MMD2: variants seen among roughly 807,000 people sequenced by gnomAD.
The protein encoded by MMD2 is monocyte to macrophage differentiation associated 2.
In MMD2, 30 loss-of-function variants were observed where a neutral mutation model predicts 33.5. That is an observed-to-expected ratio of 0.90 (90% CI 0.67 to 1.22). The LOEUF is 1.22. Among genes scored for constraint, MMD2 ranks in the 50% most tolerant of loss-of-function variants. MMD2 has a pLI of 0.00. For missense variants in MMD2, 364 were observed against 325.4 expected (o/e 1.12, Z -0.91); for synonymous variants, 129 against 123.0 (o/e 1.05, Z -0.32).
rs544939900 is a variant in MMD2, at chr7:4,956,236, A to C, written c.47+2735T>G. On this transcript the variant is annotated intron_variant, in intron 1 of 6. Transcript: ENST00000401401. ...CTAGGTGCTCAAGACCAGCCTGGGCAACATAGTGAGACCCCATCTTTACAG... is the reference window on the plus strand; with the variant it reads ...CTAGGTGCTCAAGACCAGCCTGGGCCACATAGTGAGACCCCATCTTTACAG... Among the ~76,000 whole-genome samples, 9 of 151,980 alleles carry C rather than the reference A, an allele frequency of 5.9e-5. No individual in the cohort carries two copies. The South Asian group carries it at 1.7e-3, about 28-fold the overall frequency.
the MMD2 span, among the ~76,000 whole-genome samples, chr7:4,898,938 GAAGC>G: frequency 2.4e-4 from 37 of 151,624 alleles, no homozygotes; most frequent in African/African-American, 4.1e-4. Context: ...AGGAAGGAAG[GAAGC>G]AAGCAAGCAA....
intron 5 of MMD2, 75 bp downstream of exon 5, chr7:4,911,070 G>A (rs1784993856): frequency 8.1e-7 from 1 of 1,238,736 alleles, no homozygotes; most frequent in Non-Finnish European, 1.2e-6. Context: ...TGGACTCTCG[G>A]CAGCCCAGGA....
chr7:4,899,180 T>C, the MMD2 span, among the ~76,000 whole-genome samples: 1 of 152,102 alleles, frequency 6.6e-6, no homozygotes, highest in Non-Finnish European at 1.5e-5. Flanking sequence ...GACACTGAAC[T>C]TGCCAGTTCC....
chr7:4,947,628 G>C (rs560141091), intron 1 of MMD2, among the ~76,000 whole-genome samples: 11 of 150,130 alleles, frequency 7.3e-5, no homozygotes. Context: ...CTCCTGACCT[G>C]GTGATCTGCC....
the MMD2 span, among the ~76,000 whole-genome samples, chr7:4,895,385 C>A: frequency 7.9e-5 from 12 of 152,094 alleles, no homozygotes; most frequent in Non-Finnish European, 1.8e-4. Context: ...CAGCTGAAGT[C>A]TTTTTATGGA....
chr7:4,944,670 T>A (rs1472861185), intron 1 of MMD2, among the ~76,000 whole-genome samples: 1 of 151,998 alleles, frequency 6.6e-6, no homozygotes, highest in Non-Finnish European at 1.5e-5. Context: ...TCTCTCTGGG[T>A]CCTGCTGAAC....
At chr7:4,929,158 C>T (rs1305928749) in intron 1 of MMD2, among the ~76,000 whole-genome samples, 1 of 152,130 alleles carries the variant, frequency 6.6e-6, no homozygotes, top group Non-Finnish European at 1.5e-5. Context: ...GGTGACTGCT[C>T]TCTGCCTGCA....
the MMD2 span, among the ~76,000 whole-genome samples, chr7:4,897,766 C>G: frequency 6.9e-6 from 1 of 144,536 alleles, no homozygotes; most frequent in Non-Finnish European, 1.5e-5. Context: ...TTGAGACAGT[C>G]TCACTCTATC....
chr7:4,926,540 T>A (rs1785432869), intron 1 of MMD2, among the ~76,000 whole-genome samples: 2 of 151,806 alleles, frequency 1.3e-5, no homozygotes, highest in African/African-American at 4.8e-5. Context: ...CCCAAGAAAG[T>A]GCCCAGTGCC....
intron 2 of MMD2, among the ~76,000 whole-genome samples, chr7:4,921,978 G>A (rs551538954): frequency 7.3e-5 from 11 of 150,978 alleles, no homozygotes; most frequent in Non-Finnish European, 1.2e-4. Flanking sequence ...TAATCCCAGC[G>A]CTTTGGGAGG....
At chr7:4,926,489 C>G (rs1251542593) in intron 1 of MMD2, among the ~76,000 whole-genome samples, 1 of 152,112 alleles carries the variant, frequency 6.6e-6, no homozygotes, top group Non-Finnish European at 1.5e-5. Flanking sequence ...CGTAGACCCA[C>G]TAAACCACCA....
chr7:4,936,536 A>C (rs1785746459), intron 1 of MMD2, among the ~76,000 whole-genome samples: 1 of 152,232 alleles, frequency 6.6e-6, no homozygotes, highest in Non-Finnish European at 1.5e-5. Context: ...TGTAACTACA[A>C]TAAAAGTGTT....
At chr7:4,923,959 A>G (rs1208663661) in intron 2 of MMD2, among the ~76,000 whole-genome samples, 1 of 152,190 alleles carries the variant, frequency 6.6e-6, no homozygotes. Flanking sequence ...ATGGGAGGCC[A>G]AGGCGGGTGG....
At chr7:4,925,189 C>T (rs370331665) in intron 2 of MMD2, among the ~76,000 whole-genome samples, 5 of 152,118 alleles carry the variant, frequency 3.3e-5, no homozygotes, top group African/African-American at 1.2e-4. Flanking sequence ...CCTCAGCCTT[C>T]CAAAGTGCTG....
chr7:4,934,303 CA>C (rs199785515), intron 1 of MMD2, among the ~76,000 whole-genome samples: 16,487 of 151,540 alleles, frequency 0.11, 1,160 homozygotes, highest in Admixed American at 0.22. Flanking sequence ...AGGGTTTTGC[CA>C]TGTTGCCCAG....
chr7:4,908,471 C>A (rs113794715), intron 6 of MMD2, among the ~76,000 whole-genome samples: 1 of 151,982 alleles, frequency 6.6e-6, no homozygotes, highest in African/African-American at 2.4e-5. Context: ...AAATGTAATA[C>A]ATCTGGGTAT....
At chr7:4,955,825 G>A (rs1786367988) in intron 1 of MMD2, among the ~76,000 whole-genome samples, 1 of 152,168 alleles carries the variant, frequency 6.6e-6, no homozygotes, top group South Asian at 2.1e-4. Flanking sequence ...AGCCAAGGTG[G>A]GTGGATCATT....
At chr7:4,926,052 C>T (rs1481217686) in intron 1 of MMD2, among the ~76,000 whole-genome samples, 2 of 152,008 alleles carry the variant, frequency 1.3e-5, no homozygotes, top group East Asian at 1.9e-4. Flanking sequence ...GTGATCCGCC[C>T]GCCTCAGCCT....
rs1040036820 is a variant in MMD2, at chr7:4,959,042, C to G, written c.-25G>C. On this transcript the variant is annotated 5_prime_UTR_variant, in exon 1 of 7. Transcript: ENST00000401401. Reference sequence around the variant, plus strand: ...TCGCGGCGCTTCCATGGGAATCTGGCCCCGGGCTCAGAGCGCGGGTAGCTG... The same window carrying G: ...TCGCGGCGCTTCCATGGGAATCTGGGCCCGGGCTCAGAGCGCGGGTAGCTG... 1 of 1,254,272 alleles carries G rather than the reference C, an allele frequency of 8.0e-7. No individual in the cohort carries two copies. Among genetic ancestry groups the G allele is most frequent in the East Asian group, 3.2e-5 (1 of 31,502 alleles). 77.7% of individuals were successfully genotyped at this position (1,254,272 alleles called of 1,614,324 possible). A position where few individuals can be genotyped will look rare whatever the true frequency, so the allele number is the denominator to read the frequency against.
Sources: allele counts gnomAD v4.1 joint callset (sites outside exome capture counted in the v4.1 genomes callset), GRCh38; gene constraint gnomAD v4.1.1; transcripts MANE v1.5; gene names NCBI Gene and HGNC (gene_info 2026-07-23, HGNC 2026-07-21).